Variants in IARS1 observed in about 807,000 individuals in gnomAD.
IARS1 encodes the protein isoleucyl-tRNA synthetase 1.
IARS1 carries 124 observed loss-of-function variants against 168.2 expected under a neutral mutation model. That is an observed-to-expected ratio of 0.74 (90% CI 0.64 to 0.86). IARS1 has a LOEUF of 0.86. Among genes scored for constraint, IARS1 ranks in the 40% least tolerant of loss-of-function variants. The probability of loss-of-function intolerance (pLI) is 0.00; values close to 1 mark genes in which losing one functional copy is unlikely to be tolerated. For missense variants in IARS1, 1,452 were observed against 1,515.8 expected (o/e 0.96, Z 0.70); for synonymous variants, 532 against 529.4 (o/e 1.00, Z -0.07).
Position 92,274,390 on chromosome 9 carries a change from A to G in IARS1, c.990+36T>C, listed in dbSNP as rs202012162. 5.2e-4 allele frequency: 779 copies of G among 1,511,164 alleles called. 1 individual carries two copies. The highest frequency in any genetic ancestry group is 7.5e-4 in the Admixed American group (45 of 59,844). 93.6% of individuals were successfully genotyped at this position (1,511,164 alleles called of 1,614,324 possible). A position where few individuals can be genotyped will look rare whatever the true frequency, so the allele number is the denominator to read the frequency against. On this transcript the variant is annotated intron_variant, in intron 10 of 33. Transcript: ENST00000443024. ...GCATCTATGAAAAGTGGCTACCGAC[A>G]TACTCAAATACATTTGCCAGACTTA...
chr9:92,233,557 C>T (rs1243486431), intron 30 of IARS1, among the ~76,000 whole-genome samples: 1 of 152,178 alleles, frequency 6.6e-6, no homozygotes, highest in Non-Finnish European at 1.5e-5. Flanking sequence ...TTAACTAATT[C>T]ATGATGCTGT....
rs909028846 is a variant in IARS1, at chr9:92,286,633, T to C, written c.397-15A>G. 7 of 1,321,284 alleles carry C rather than the reference T, an allele frequency of 5.3e-6. No individual in the cohort carries two copies. The highest frequency in any genetic ancestry group is 6.6e-6 in the Non-Finnish European group (6 of 915,550). 81.8% of individuals were successfully genotyped at this position (1,321,284 alleles called of 1,614,324 possible). A position where few individuals can be genotyped will look rare whatever the true frequency, so the allele number is the denominator to read the frequency against. On this transcript the variant is annotated splice_polypyrimidine_tract_variant and intron_variant, in intron 4 of 33. Transcript: ENST00000443024. ...CTAACAGTAGACTTTAAAATATTAA[T>C]ATTAGAACAGTATTAGACAATGATA...
intron 30 of IARS1, among the ~76,000 whole-genome samples, chr9:92,234,473 G>A (rs1378854031): frequency 1.3e-5 from 2 of 152,168 alleles, no homozygotes; most frequent in Non-Finnish European, 2.9e-5. Flanking sequence ...CTTCTTTCCA[G>A]GTGTCTGGTC....
rs201051339 is a variant in IARS1, at chr9:92,229,370, C to CT, written c.3284-245_3284-244insA. Among the ~76,000 whole-genome samples, 706 of 129,756 alleles carry CT rather than the reference C, an allele frequency of 5.4e-3. 6 individuals carry two copies. The highest frequency in any genetic ancestry group is 9.2e-3 in the Non-Finnish European group (501 of 54,184). 85.1% of individuals were successfully genotyped at this position (129,756 alleles called of 152,430 possible). A position where few individuals can be genotyped will look rare whatever the true frequency, so the allele number is the denominator to read the frequency against. ...GCAATATATACACTACACACACACA[C>CT]ACACACACACACACACACATCTCCA... On this transcript the variant is annotated intron_variant, in intron 30 of 33. Transcript: ENST00000443024.
chr9:92,228,325 C>T (rs1043471340), intron 31 of IARS1, among the ~76,000 whole-genome samples: 3 of 151,912 alleles, frequency 2.0e-5, no homozygotes, highest in South Asian at 2.1e-4. Context: ...TACGTAACAG[C>T]GGGAGAATGC....
chr9:92,264,788 G>A (rs1052107860), intron 16 of IARS1, 141 bp downstream of exon 16: 21 of 687,302 alleles, frequency 3.1e-5, no homozygotes, highest in Non-Finnish European at 4.6e-5. Flanking sequence ...TGGTGGTGGA[G>A]GGGAGAGGGC....
intron 33 of IARS1, among the ~76,000 whole-genome samples, chr9:92,212,816 G>A (rs947579577): frequency 2.0e-5 from 3 of 152,176 alleles, no homozygotes; most frequent in African/African-American, 7.2e-5. Flanking sequence ...AGACAGGGAA[G>A]GCCCAGAGCA....
chr9:92,267,726 A>G (rs1411304474), intron 14 of IARS1, among the ~76,000 whole-genome samples: 1 of 152,182 alleles, frequency 6.6e-6, no homozygotes, highest in Non-Finnish European at 1.5e-5. Context: ...ATACATCTAT[A>G]TATCTACACA....
In IARS1 at chr9:92,250,253, T is replaced by A. The variant is rs1829818363; in HGVS notation, c.2466A>T (p.Val822=). The change falls in exon 24 of 34, where the codon GTA becomes GTT. Residue 822 remains valine, a synonymous_variant. Transcript: ENST00000443024. ...GTTCAATCACAGACTGCATCTGAGA[T>A]ACTGCACTCTCTGTTTTCTTGTCAA... ...ELIDKKTESA[V]SQMQSVIELG... 6.2e-7 allele frequency: 1 copy of A among 1,611,242 alleles called. No individual in the cohort carries two copies. The highest frequency in any genetic ancestry group is 8.5e-7 in the Non-Finnish European group (1 of 1,177,342).
intron 25 of IARS1, 62 bp from the exon 26 acceptor site, chr9:92,247,613 T>C: frequency 3.4e-6 from 5 of 1,461,238 alleles, no homozygotes; most frequent in East Asian, 2.3e-5. Flanking sequence ...CACACAAAAA[T>C]GTAGGTCCAC....
chr9:92,289,381 A>G lies in IARS1; in HGVS notation c.39T>C (p.Ala13=). Reference sequence around the variant, plus strand: ...AAAACTCCAAGATTTTCTCTTCTTCAGCAGGAAAATTTATGTTTTCTGGAA... The same window carrying G: ...AAAACTCCAAGATTTTCTCTTCTTCGGCAGGAAAATTTATGTTTTCTGGAA... ...QQVPENINFP[A]EEEKILEFWT... Residue 13 remains alanine (A), a synonymous_variant, in exon 2 of 34, where the codon GCT becomes GCC. Transcript: ENST00000443024. 6.3e-7 allele frequency: 1 copy of G among 1,591,118 alleles called. No individual in the cohort carries two copies. Among genetic ancestry groups the G allele is most frequent in the Non-Finnish European group, 8.6e-7 (1 of 1,160,434 alleles).
chr9:92,251,871 C>T lies in IARS1; in HGVS notation c.2244G>A (p.Met748Ile). 1 of 1,612,552 alleles carries T rather than the reference C, an allele frequency of 6.2e-7. No homozygotes were observed. Among genetic ancestry groups the T allele is most frequent in the South Asian group, 1.1e-5 (1 of 91,042 alleles). The change falls in exon 22 of 34, where the codon ATG (methionine) becomes ATA (isoleucine). Residue 748 changes from methionine (M) to isoleucine (I), a missense_variant. Met to Ile is a conservative substitution (Grantham distance 10). Transcript: ENST00000443024. ...TTTCTAGGGCCATGACACAATCCTC[C>T]ATCCCATTTTCACCCTAATGAGTAA... Reference protein sequence around the residue: ...NRRRLKGENGMEDCVMALETL... With the variant: ...NRRRLKGENGIEDCVMALETL...
chr9:92,213,129 T>TA lies in IARS1; in HGVS notation c.3707-2241dup, dbSNP rs1278279765. Among the ~76,000 whole-genome samples, 57 of 147,092 alleles carry TA rather than the reference T, an allele frequency of 3.9e-4. 1 individual carries two copies. The highest frequency in any genetic ancestry group is 2.0e-3 in the Admixed American group (30 of 14,772). On this transcript the variant is annotated intron_variant, in intron 33 of 33. Transcript: ENST00000443024. ...TAAAAGTACGATATGCAACTAAATT[T>TA]AAAAAAAAAAGCTGCACAGGAAGAA...
At chr9:92,251,111 A>C in intron 22 of IARS1, 1 of 495,648 alleles carries the variant, frequency 2.0e-6, no homozygotes, top group Non-Finnish European at 4.0e-6. Context: ...AGCCAAGTCA[A>C]TATGCACAGA....
Position 92,240,981 on chromosome 9 carries a change from T to C in IARS1, c.3178-20A>G. ...CTTCAACTGAGCACATGAGAACGTA[T>C]GACTGAGTAACTGTGGCACCTGACT... On this transcript the variant is annotated intron_variant, in intron 29 of 33. Coordinates refer to ENST00000443024, the MANE Select transcript of IARS1 (RefSeq NM_002161.6). The C allele has an allele frequency of 6.9e-7, 1 of 1,459,810 alleles. No individual in the cohort carries two copies. The highest frequency in any genetic ancestry group is 9.6e-7 in the Non-Finnish European group (1 of 1,040,268). The allele number at this position is 1,459,810 out of a possible 1,614,324, so 90.4% of individuals were successfully genotyped here.
chr9:92,255,432 C>T (rs1830585403), intron 20 of IARS1, among the ~76,000 whole-genome samples: 1 of 152,158 alleles, frequency 6.6e-6, no homozygotes, highest in Non-Finnish European at 1.5e-5. Context: ...TCTGAGGTGT[C>T]CCAGATTTCT....
At chr9:92,254,529 GC>G (rs1192295908) in intron 20 of IARS1, among the ~76,000 whole-genome samples, 1 of 152,190 alleles carries the variant, frequency 6.6e-6, no homozygotes. Context: ...ATGTCAGTGG[GC>G]TGAGCCCCAG....
chr9:92,219,052 T>C (rs1839247083), intron 33 of IARS1, among the ~76,000 whole-genome samples: 1 of 152,138 alleles, frequency 6.6e-6, no homozygotes, highest in African/African-American at 2.4e-5. Flanking sequence ...CAAAACAGCA[T>C]GGTACTGGTA....
intron 9 of IARS1, among the ~76,000 whole-genome samples, chr9:92,277,354 G>T (rs1405144124): frequency 6.6e-6 from 1 of 151,986 alleles, no homozygotes; most frequent in Non-Finnish European, 1.5e-5. Context: ...GAACCTGGGG[G>T]GCAGAGGTTG....
Sources: gnomAD v4.1 joint callset for allele counts (sites outside exome capture counted in the v4.1 genomes callset) on GRCh38, gnomAD v4.1.1 for gene constraint, MANE v1.5 for transcripts, NCBI Gene and HGNC (gene_info 2026-07-23, HGNC 2026-07-21) for gene names.